Variants in HDAC9 observed in about 807,000 individuals in gnomAD.
The protein encoded by HDAC9 is MEF-2 interacting transcription repressor (MITR) protein.
Under a neutral mutation model 139.4 loss-of-function variants are expected in HDAC9, and 41 were observed. That is an observed-to-expected ratio of 0.29 (90% CI 0.23 to 0.38). The LOEUF is 0.38. Among genes scored for constraint, HDAC9 ranks in the 10% least tolerant of loss-of-function variants. The pLI, the probability that HDAC9 is intolerant of heterozygous loss-of-function variation, is 1.00. For missense variants in HDAC9, 1,147 were observed against 1,297.0 expected, an observed-to-expected ratio of 0.88 and a Z score of 1.78; for synonymous variants, 517 against 476.2, an observed-to-expected ratio of 1.09 and a Z score of -1.12.
intron 1 of HDAC9, among the ~76,000 whole-genome samples, chr7:18,364,989 G>T (rs1179400763): frequency 6.6e-6 from 1 of 152,094 alleles, no homozygotes; most frequent in Non-Finnish European, 1.5e-5. Context: ...CAGGGTAAAA[G>T]ATTGAAAAGT....
intron 17 of HDAC9, among the ~76,000 whole-genome samples, chr7:18,807,472 C>G (rs148400111): frequency 6.6e-6 from 1 of 151,956 alleles, no homozygotes; most frequent in East Asian, 1.9e-4. Flanking sequence ...CTTCTTTGTG[C>G]TAACTTTGGG....
chr7:18,581,297 G>A (rs552607813), intron 2 of HDAC9, among the ~76,000 whole-genome samples: 2 of 152,100 alleles, frequency 1.3e-5, no homozygotes, highest in African/African-American at 4.8e-5. Flanking sequence ...CTTTCTCTCA[G>A]TCTTGGGCAA....
chr7:18,906,352 G>T (rs892531175), intron 22 of HDAC9, among the ~76,000 whole-genome samples: 1 of 151,754 alleles, frequency 6.6e-6, no homozygotes, highest in African/African-American at 2.4e-5. Flanking sequence ...ACCATGTTGG[G>T]CAAGCTGGTC....
At chr7:18,780,499 T>A (rs1009399196) in intron 16 of HDAC9, among the ~76,000 whole-genome samples, 1 of 151,918 alleles carries the variant, frequency 6.6e-6, no homozygotes, top group Non-Finnish European at 1.5e-5. Flanking sequence ...ATCACAGTTG[T>A]TGTTGGATGA....
At chr7:18,892,519 C>G (rs1316202577) in intron 22 of HDAC9, 1 of 152,078 alleles carries the variant, frequency 6.6e-6, no homozygotes, top group Non-Finnish European at 1.5e-5. Context: ...AATTGACCTT[C>G]AAAACAAAGA....
rs1165303081 is a variant in HDAC9, at chr7:18,135,112, C to T, written c.-96-27117C>T. 2.0e-5 allele frequency among the ~76,000 whole-genome samples: 3 copies of T among 151,958 alleles called. No individual in the cohort carries two copies. In the South Asian group the frequency reaches 6.2e-4, roughly 31 times the overall value. On this transcript the variant is annotated intron_variant, in intron 1 of 12. Transcript: ENST00000417496. ...TGATAAATTATTTTACATCTATTTT[C>T]TCCTTAAGTTCTCACTACCTTTTTC...
chr7:18,427,624 A>T (rs1271259061), intron 1 of HDAC9, among the ~76,000 whole-genome samples: 2 of 149,162 alleles, frequency 1.3e-5, no homozygotes, highest in African/African-American at 4.9e-5. Context: ...CTTCTCATTG[A>T]TCTCCTTGGT....
chr7:18,293,933 C>A (rs944775058), intron 1 of HDAC9, among the ~76,000 whole-genome samples: 4 of 151,950 alleles, frequency 2.6e-5, no homozygotes, highest in East Asian at 1.9e-4. Flanking sequence ...GATTTAAATG[C>A]TTGATTTAAT....
intron 21 of HDAC9, among the ~76,000 whole-genome samples, chr7:18,836,416 T>C (rs1796241619): frequency 6.6e-6 from 1 of 152,182 alleles, no homozygotes; most frequent in Admixed American, 6.5e-5. Context: ...CCATTTAGCA[T>C]TCCTAGTTCT....
At chr7:18,548,143 GGA>G (rs1454237835) in intron 2 of HDAC9, among the ~76,000 whole-genome samples, 1 of 151,944 alleles carries the variant, frequency 6.6e-6, no homozygotes, top group African/African-American at 2.4e-5. Context: ...CTGTGAATAG[GGA>G]GACCTGAGGA....
chr7:18,412,675 A>G (rs751654398), intron 1 of HDAC9, among the ~76,000 whole-genome samples: 9 of 152,162 alleles, frequency 5.9e-5, no homozygotes, highest in African/African-American at 1.2e-4. Flanking sequence ...TCTTTATTAC[A>G]TGGCAGAAAA....
intron 1 of HDAC9, among the ~76,000 whole-genome samples, chr7:18,489,231 G>A (rs898125883): frequency 1.3e-5 from 2 of 151,936 alleles, no homozygotes; most frequent in African/African-American, 4.8e-5. Context: ...TTTTCAAGTT[G>A]ATGCATGAAA....
At chr7:18,281,533 A>G (rs1233395272) in intron 2 of HDAC9, among the ~76,000 whole-genome samples, 2 of 152,200 alleles carry the variant, frequency 1.3e-5, no homozygotes, top group African/African-American at 4.8e-5. Flanking sequence ...TCAAAGGATA[A>G]TAGCCTACGA....
rs139543238 is a variant in HDAC9, at chr7:18,648,126, C to G, written c.1249+128C>G. 2.0e-4 allele frequency: 147 copies of G among 731,226 alleles called. No homozygotes were observed. In the African/African-American group the frequency reaches 2.4e-3, roughly 12 times the overall value. 45.3% of individuals were successfully genotyped at this position (731,226 alleles called of 1,614,324 possible). A position where few individuals can be genotyped will look rare whatever the true frequency, so the allele number is the denominator to read the frequency against. ...TGCTATACAAAAGTTTCCCTGATAC[C>G]TGGTACTGTGGGAAAGGCTATCATC... On this transcript the variant is annotated intron_variant, in intron 10 of 25. Coordinates refer to ENST00000686413, the MANE Select transcript of HDAC9 (RefSeq NM_178425.4).
intron 2 of HDAC9, among the ~76,000 whole-genome samples, chr7:18,571,418 G>A (rs769085314): frequency 5.9e-5 from 9 of 152,232 alleles, no homozygotes; most frequent in Non-Finnish European, 1.0e-4. Flanking sequence ...GGAAGTGAGT[G>A]GATAGAACCT....
chr7:18,875,635 C>A (rs907685933), intron 22 of HDAC9, among the ~76,000 whole-genome samples: 2 of 152,216 alleles, frequency 1.3e-5, no homozygotes, highest in Non-Finnish European at 1.5e-5. Flanking sequence ...CTATTAAAAA[C>A]ATATTAAAAC....
At chr7:18,573,090 C>T (rs995593499) in intron 2 of HDAC9, among the ~76,000 whole-genome samples, 8 of 152,170 alleles carry the variant, frequency 5.3e-5, no homozygotes, top group South Asian at 2.1e-4. Context: ...CCTGTTCAGA[C>T]CCCTGGGAAA....
At position 18,655,841 on chromosome 7, in the gene HDAC9, A is replaced by G. The variant is rs190360190; in HGVS notation, c.1467+7158A>G. ...AGGTAAGAAAACGGGGGGAAGAAAAATATCTGGGGAATTAAACCACGTGAA... is the reference window on the plus strand; with the variant it reads ...AGGTAAGAAAACGGGGGGAAGAAAAGTATCTGGGGAATTAAACCACGTGAA... On this transcript the variant is annotated intron_variant, in intron 11 of 25. Coordinates refer to ENST00000686413, the MANE Select transcript of HDAC9 (RefSeq NM_178425.4). 1.9e-3 allele frequency among the ~76,000 whole-genome samples: 286 copies of G among 152,258 alleles called. 1 individual carries two copies. The highest frequency in any genetic ancestry group is 6.8e-3 in the Middle Eastern group (2 of 294).
At chr7:18,100,726 A>G (rs571068196) in intron 1 of HDAC9, among the ~76,000 whole-genome samples, 5 of 152,168 alleles carry the variant, frequency 3.3e-5, no homozygotes, top group African/African-American at 1.2e-4. Context: ...TTCTTGGTCA[A>G]TTTTGTTTGA....
Sources: allele counts gnomAD v4.1 joint callset (sites outside exome capture counted in the v4.1 genomes callset), GRCh38; gene constraint gnomAD v4.1.1; transcripts MANE v1.5; gene names NCBI Gene and HGNC (gene_info 2026-07-23, HGNC 2026-07-21).